The following NTRK3 variants were observed in gnomAD, a reference collection of about 807,000 sequenced individuals.
The protein encoded by NTRK3 is neurotrophic receptor tyrosine kinase 3, also known as NT-3 growth factor receptor.
In NTRK3, 24 loss-of-function variants were observed where a neutral mutation model predicts 91.7. The ratio of observed to expected loss-of-function variants is 0.26; its 90% CI spans 0.19 to 0.37. The LOEUF is 0.37. Among genes scored for constraint, NTRK3 ranks in the 10% least tolerant of loss-of-function variants. The probability of loss-of-function intolerance (pLI) is 1.00; values close to 1 mark genes in which losing one functional copy is unlikely to be tolerated. For synonymous variants in NTRK3, 483 were observed against 404.0 expected (o/e 1.20, Z -2.34); for missense variants, 880 against 1,068.9 (o/e 0.82, Z 2.46).
chr15:88,246,546 G>T (rs1207797912), intron 3 of NTRK3, among the ~76,000 whole-genome samples: 1 of 152,228 alleles, frequency 6.6e-6, no homozygotes, highest in Non-Finnish European at 1.5e-5. Flanking sequence ...TAGCCCCACA[G>T]TGAAACTATC....
chr15:87,998,961 C>T (rs933098254), intron 14 of NTRK3, among the ~76,000 whole-genome samples: 49 of 152,130 alleles, frequency 3.2e-4, no homozygotes, highest in African/African-American at 1.1e-3. Context: ...AGGTGATGTA[C>T]TGCAATGGAG....
chr15:88,221,642 T>A (rs1251428260), intron 3 of NTRK3, among the ~76,000 whole-genome samples: 1 of 151,972 alleles, frequency 6.6e-6, no homozygotes, highest in Admixed American at 6.6e-5. Context: ...AAAAATAAAA[T>A]GTTGAAAATT....
intron 5 of NTRK3, among the ~76,000 whole-genome samples, chr15:88,154,133 A>G (rs2043664387): frequency 6.6e-6 from 1 of 150,740 alleles, no homozygotes; most frequent in Non-Finnish European, 1.5e-5. Context: ...AAAAAAGAAC[A>G]AACCACAGAA....
At chr15:88,017,603 C>T (rs560475966) in intron 14 of NTRK3, among the ~76,000 whole-genome samples, 108 of 152,278 alleles carry the variant, frequency 7.1e-4, no homozygotes, top group African/African-American at 2.4e-3. Flanking sequence ...AAGACCTGAA[C>T]AAAGGAATAT....
intron 3 of NTRK3, among the ~76,000 whole-genome samples, chr15:88,226,735 CCATT>C (rs1229327098): frequency 1.3e-5 from 2 of 152,226 alleles, no homozygotes; most frequent in Non-Finnish European, 2.9e-5. Flanking sequence ...GTGTCCCGTT[CCATT>C]ATTAATAAAA....
In NTRK3 at chr15:87,988,050, C is replaced by T. The variant is rs139455901; in HGVS notation, c.1585+44807G>A. On this transcript the variant is annotated intron_variant, in intron 14 of 18. Coordinates refer to ENST00000394480, the Ensembl canonical transcript of NTRK3. ...GTTATTGGCTTACTTCCAAAGTATA[C>T]GGAAAGAGGGAGAATGTAGTTTTGC... Among the ~76,000 whole-genome samples the T allele has an allele frequency of 2.9e-3, 446 of 152,198 alleles. 1 individual carries two copies. The highest frequency in any genetic ancestry group is 9.6e-3 in the African/African-American group (398 of 41,500).
At chr15:88,238,310 G>A (rs1034472589) in intron 3 of NTRK3, among the ~76,000 whole-genome samples, 2 of 152,050 alleles carry the variant, frequency 1.3e-5, no homozygotes, top group African/African-American at 4.8e-5. Flanking sequence ...TAAATCTAGT[G>A]GGTATAATAA....
At chr15:88,113,020 C>T (rs575832172) in intron 13 of NTRK3, among the ~76,000 whole-genome samples, 21 of 152,296 alleles carry the variant, frequency 1.4e-4, no homozygotes, top group African/African-American at 5.1e-4. Context: ...TGAAATCATT[C>T]TTTCCCAAAG....
At chr15:87,867,069 A>G (rs2064701931) in exon 19 of NTRK3, 2 of 224,034 alleles carry the variant, frequency 8.9e-6, no homozygotes, top group Admixed American at 5.7e-5. Context: ...CCAAGCCAGA[A>G]GGATGGTTTG....
exon 19 of NTRK3, chr15:87,875,406 G>T (rs1415319221): frequency 4.3e-6 from 1 of 231,786 alleles, no homozygotes; most frequent in Non-Finnish European, 8.5e-6. Flanking sequence ...AGCCAGGAAG[G>T]CAGTGATTCC....
At chr15:88,115,215 C>T (rs1025986793) in intron 13 of NTRK3, among the ~76,000 whole-genome samples, 4 of 152,222 alleles carry the variant, frequency 2.6e-5, no homozygotes, top group Admixed American at 6.5e-5. Context: ...TTTCTGATAG[C>T]GCTTCTCCTC....
chr15:88,078,599 A>G (rs1434454308), intron 13 of NTRK3, among the ~76,000 whole-genome samples: 6 of 152,300 alleles, frequency 3.9e-5, no homozygotes, highest in East Asian at 1.9e-4. Flanking sequence ...GCAGTGAGCC[A>G]AGATCGCACC....
intron 14 of NTRK3, chr15:87,981,341 G>T (rs1276454791): frequency 6.2e-7 from 1 of 1,612,056 alleles, no homozygotes; most frequent in African/African-American, 1.3e-5. Flanking sequence ...TCCCATGATT[G>T]TCTATGTTTG....
At chr15:87,981,969 A>T (rs1478010613) in intron 14 of NTRK3, among the ~76,000 whole-genome samples, 3 of 152,202 alleles carry the variant, frequency 2.0e-5, no homozygotes, top group Non-Finnish European at 2.9e-5. Flanking sequence ...CCTGAAGACT[A>T]CAACTTCTAT....
At chr15:87,916,333 A>C (rs1596236160) in intron 17 of NTRK3, 1 of 423,990 alleles carries the variant, frequency 2.4e-6, no homozygotes, top group Non-Finnish European at 4.2e-6. Flanking sequence ...GGCCTTTTGC[A>C]CTTGAGGAAG....
At chr15:87,864,020 C>A (rs1406170335) in exon 19 of NTRK3, 1 of 232,358 alleles carries the variant, frequency 4.3e-6, no homozygotes, top group African/African-American at 2.2e-5. Flanking sequence ...CACACACACA[C>A]AGAATCTCAA....
chr15:88,102,032 A>T (rs894538459), intron 13 of NTRK3, among the ~76,000 whole-genome samples: 1 of 152,104 alleles, frequency 6.6e-6, no homozygotes, highest in African/African-American at 2.4e-5. Context: ...AAAATAAAAT[A>T]AAAAAATAAA....
chr15:88,154,204 G>C (rs774496471), intron 5 of NTRK3, among the ~76,000 whole-genome samples: 4 of 151,624 alleles, frequency 2.6e-5, no homozygotes, highest in Admixed American at 2.6e-4. Flanking sequence ...CACCTCCTCA[G>C]TCTTGACCCT....
intron 5 of NTRK3, among the ~76,000 whole-genome samples, chr15:88,149,463 G>A (rs979443646): frequency 5.9e-5 from 9 of 152,128 alleles, no homozygotes; most frequent in South Asian, 2.1e-4. Context: ...GTCACCAACC[G>A]CCTCTCTGCA....
Sources: gnomAD v4.1 joint callset for allele counts (sites outside exome capture counted in the v4.1 genomes callset) on GRCh38, gnomAD v4.1.1 for gene constraint, MANE v1.5 for transcripts, NCBI Gene and HGNC (gene_info 2026-07-23, HGNC 2026-07-21) for gene names.